The following PSMB5 variants were observed in gnomAD, a reference collection of about 807,000 sequenced individuals.
The protein encoded by PSMB5 is proteasome subunit beta type-5.
PSMB5 carries 2 observed loss-of-function variants against 22.8 expected under a neutral mutation model. The observed-to-expected ratio is 0.09, with a 90% confidence interval of 0.04 to 0.28. The LOEUF is 0.28. Among genes scored for constraint, PSMB5 ranks in the 10% least tolerant of loss-of-function variants. The probability of loss-of-function intolerance (pLI) is 1.00; values close to 1 mark genes in which losing one functional copy is unlikely to be tolerated. For missense variants in PSMB5, 269 were observed against 343.8 expected (o/e 0.78, Z 1.72); for synonymous variants, 133 against 135.3 (o/e 0.98, Z 0.12).
In PSMB5 at chr14:23,025,992, G is replaced by C; in HGVS notation, c.*97C>G. ...AAAAAAAGTACTGATACAATTGAAG[G>C]CCCTTCCACTATAAATAGGATGGAG... is the stretch of plus-strand genomic sequence containing the variant. On this transcript the variant is annotated 3_prime_UTR_variant, in exon 3 of 3. Transcript: ENST00000361611. 1 of 1,543,750 alleles carries C rather than the reference G, an allele frequency of 6.5e-7. No homozygotes were observed. Among genetic ancestry groups the C allele is most frequent in the South Asian group, 1.3e-5 (1 of 78,918 alleles).
chr14:23,031,304 A>G (rs1416656448), intron 2 of PSMB5, among the ~76,000 whole-genome samples: 1 of 152,222 alleles, frequency 6.6e-6, no homozygotes, highest in Non-Finnish European at 1.5e-5. Flanking sequence ...AATGTATGGA[A>G]CTGTCTTTTC....
upstream of PSMB5, chr14:23,034,935 G>C (rs917545302): frequency 8.0e-5 from 126 of 1,567,342 alleles, no homozygotes; most frequent in Non-Finnish European, 2.3e-5. Flanking sequence ...AAGATAGGCC[G>C]GGCAACGCCT....
At chr14:23,031,785 G>T (rs1482869349) in intron 2 of PSMB5, among the ~76,000 whole-genome samples, 2 of 152,148 alleles carry the variant, frequency 1.3e-5, no homozygotes, top group African/African-American at 2.4e-5. Context: ...AACCAGCAAA[G>T]AAATAAAAGA....
At chr14:23,032,253 T>G (rs2046958171) in intron 2 of PSMB5, among the ~76,000 whole-genome samples, 1 of 151,888 alleles carries the variant, frequency 6.6e-6, no homozygotes, top group African/African-American at 2.4e-5. Flanking sequence ...GAGACCAGCC[T>G]GGCCAACATG....
At chr14:23,027,796 A>G (rs891970310) in intron 2 of PSMB5, 8 of 1,548,210 alleles carry the variant, frequency 5.2e-6, no homozygotes, top group Non-Finnish European at 6.1e-6. Flanking sequence ...GTACATTCCA[A>G]ATGACTTAGG....
chr14:23,026,964 C>A (rs2046918701), intron 2 of PSMB5, among the ~76,000 whole-genome samples: 1 of 151,672 alleles, frequency 6.6e-6, no homozygotes, highest in African/African-American at 2.4e-5. Context: ...TGCCTATAAT[C>A]CCAGCTACTC....
chr14:23,030,624 T>C (rs2139917672), intron 2 of PSMB5, among the ~76,000 whole-genome samples: 1 of 152,332 alleles, frequency 6.6e-6, no homozygotes, highest in South Asian at 2.1e-4. Context: ...AAGTTGGCCC[T>C]GCAGAACCTG....
chr14:23,028,694 C>G (rs1197647674), intron 2 of PSMB5, among the ~76,000 whole-genome samples: 1 of 152,102 alleles, frequency 6.6e-6, no homozygotes, highest in African/African-American at 2.4e-5. Flanking sequence ...TTGTGCAACA[C>G]CGGCAGAGTT....
intron 2 of PSMB5, among the ~76,000 whole-genome samples, chr14:23,030,632 C>A (rs1470361594): frequency 2.0e-5 from 3 of 152,156 alleles, no homozygotes; most frequent in Admixed American, 6.5e-5. Flanking sequence ...CCTGCAGAAC[C>A]TGCATATATG....
chr14:23,031,194 C>T (rs74874946), intron 2 of PSMB5, among the ~76,000 whole-genome samples: 3 of 152,274 alleles, frequency 2.0e-5, no homozygotes, highest in Middle Eastern at 3.4e-3. Context: ...CCTTGTTACC[C>T]GGTCCCTGTA....
intron 2 of PSMB5, chr14:23,027,623 G>T: frequency 1.6e-6 from 1 of 624,708 alleles, no homozygotes; most frequent in Non-Finnish European, 2.7e-6. Context: ...ACTCCAGCTT[G>T]GGCAACAGAC....
Position 23,033,647 on chromosome 14 carries a change from C to A in PSMB5, c.226G>T (p.Asp76Tyr). The A allele has an allele frequency of 6.2e-7, 1 of 1,610,250 alleles. No individual in the cohort carries two copies. The highest frequency in any genetic ancestry group is 1.1e-5 in the South Asian group (1 of 91,030). The change falls in exon 2 of 3, where the codon GAC becomes TAC. Residue 76 changes from aspartate to tyrosine, a missense_variant. By Grantham distance (160) the Asp-to-Tyr change is radical. Coordinates refer to ENST00000361611, the MANE Select transcript of PSMB5 (RefSeq NM_002797.5). Reference protein sequence around the residue: ...KFRHGVIVAADSRATAGAYIA... With the variant: ...KFRHGVIVAAYSRATAGAYIA... ...TAAGCACCCGCTGTAGCCCTGGAGT[C>A]AGCTGCAACTATGACTCCATGGCGG...
chr14:23,032,046 G>A (rs758326933), intron 2 of PSMB5, among the ~76,000 whole-genome samples: 8 of 152,124 alleles, frequency 5.3e-5, no homozygotes, highest in South Asian at 2.1e-4. Flanking sequence ...CTGAGATCCC[G>A]CCGCTGCACT....
upstream of PSMB5, chr14:23,035,197 C>T: frequency 3.1e-6 from 1 of 321,776 alleles, no homozygotes; most frequent in African/African-American, 2.2e-5. Context: ...GTCCATGTTG[C>T]GTAAGGGAAG....
chr14:23,034,423 T>C (rs1174272016), intron 1 of PSMB5: 14 of 448,114 alleles, frequency 3.1e-5, no homozygotes, highest in Middle Eastern at 5.9e-4. Flanking sequence ...AGCAGCAACC[T>C]GGGGTCGCCT....
upstream of PSMB5, chr14:23,035,014 G>T: frequency 7.0e-7 from 1 of 1,430,028 alleles, no homozygotes; most frequent in South Asian, 1.5e-5. Context: ...TGGCAAGCAC[G>T]CCTCCAAAAA....
chr14:23,034,137 A>C (rs996552242), intron 1 of PSMB5, among the ~76,000 whole-genome samples: 1 of 152,108 alleles, frequency 6.6e-6, no homozygotes, highest in Admixed American at 6.5e-5. Context: ...AAAAAAAAAA[A>C]AAAACAAATC....
intron 2 of PSMB5, among the ~76,000 whole-genome samples, chr14:23,030,016 C>G (rs1217164401): frequency 2.0e-5 from 3 of 151,872 alleles, no homozygotes; most frequent in Non-Finnish European, 2.9e-5. Flanking sequence ...CTCCTGGCCT[C>G]GTGATCCGCC....
At chr14:23,034,346 T>TA in intron 1 of PSMB5, 1 of 268,596 alleles carries the variant, frequency 3.7e-6, no homozygotes, top group Non-Finnish European at 7.3e-6. Flanking sequence ...GGTAAACGTT[T>TA]ACAATAGCCT....
Sources: gnomAD v4.1 joint callset for allele counts (sites outside exome capture counted in the v4.1 genomes callset) on GRCh38, gnomAD v4.1.1 for gene constraint, MANE v1.5 for transcripts, NCBI Gene and HGNC (gene_info 2026-07-23, HGNC 2026-07-21) for gene names.